The following PTPRQ variants were observed in gnomAD, a reference collection of about 807,000 sequenced individuals.
The protein encoded by PTPRQ is phosphatidylinositol phosphatase PTPRQ.
PTPRQ carries 199 observed loss-of-function variants against 246.0 expected under a neutral mutation model. The ratio of observed to expected loss-of-function variants is 0.81; its 90% CI spans 0.72 to 0.91. The LOEUF (loss-of-function observed/expected upper bound fraction) is 0.91, where lower values mean the gene tolerates loss of function less well. PTPRQ is among the 40% of genes least tolerant of loss of function. The pLI, the probability that PTPRQ is intolerant of heterozygous loss-of-function variation, is 0.00. For synonymous variants in PTPRQ, 869 were observed against 853.2 expected (o/e 1.02, Z -0.32); for missense variants, 2,624 against 2,528.4 (o/e 1.04, Z -0.81).
chr12:80,473,726 GC>G (rs1893726492), intron 8 of PTPRQ, among the ~76,000 whole-genome samples: 1 of 152,140 alleles, frequency 6.6e-6, no homozygotes, highest in Non-Finnish European at 1.5e-5. Context: ...AAATTTACTT[GC>G]CTTAATTTCT....
chr12:80,533,175 G>A lies in PTPRQ; in HGVS notation c.2679-840G>A, dbSNP rs536112492. Among the ~76,000 whole-genome samples the A allele has an allele frequency of 4.9e-4, 75 of 151,842 alleles. 1 individual carries two copies. Among genetic ancestry groups the A allele is most frequent in the Non-Finnish European group, 9.4e-4 (64 of 67,944 alleles). On this transcript the variant is annotated intron_variant, in intron 17 of 44. Coordinates refer to ENST00000644991, the MANE Select transcript of PTPRQ (RefSeq NM_001145026.2). Reference sequence around the variant, plus strand: ...TCCTAAAATATAAATAAAAAATAATGCACATTTTTCAGCATCACTATACAC... The same window carrying A: ...TCCTAAAATATAAATAAAAAATAATACACATTTTTCAGCATCACTATACAC...
chr12:80,484,334 T>C, intron 8 of PTPRQ, 99 bp from the exon 9 acceptor site: 8 of 1,349,420 alleles, frequency 5.9e-6, no homozygotes, highest in Non-Finnish European at 7.9e-6. Flanking sequence ...GAATTGTTTA[T>C]ATATCTTAAA....
intron 8 of PTPRQ, among the ~76,000 whole-genome samples, chr12:80,484,217 G>T (rs1054959031): frequency 2.0e-5 from 3 of 152,000 alleles, no homozygotes; most frequent in Non-Finnish European, 2.9e-5. Context: ...ATGTTGGTCA[G>T]GCTGGTCTCG....
At chr12:80,539,570 A>G (rs1896087349) in intron 19 of PTPRQ, among the ~76,000 whole-genome samples, 2 of 152,088 alleles carry the variant, frequency 1.3e-5, no homozygotes, top group African/African-American at 4.8e-5. Flanking sequence ...TGGCTTTGCA[A>G]TAAAAACCAC....
intron 33 of PTPRQ, among the ~76,000 whole-genome samples, chr12:80,630,786 G>A (rs183722528): frequency 3.0e-4 from 45 of 152,106 alleles, no homozygotes; most frequent in African/African-American, 1.0e-3. Flanking sequence ...GCACGATGTC[G>A]GCTCACTGCA....
At chr12:80,660,351 C>A (rs1900588001) in intron 39 of PTPRQ, among the ~76,000 whole-genome samples, 1 of 151,888 alleles carries the variant, frequency 6.6e-6, no homozygotes, top group Non-Finnish European at 1.5e-5. Context: ...GTTAACATGC[C>A]AATGTGTGTT....
chr12:80,482,792 C>G (rs61950954), intron 8 of PTPRQ, among the ~76,000 whole-genome samples: 1 of 148,574 alleles, frequency 6.7e-6, no homozygotes, highest in Non-Finnish European at 1.5e-5. Flanking sequence ...TCATCACTGG[C>G]CATCAGAGAA....
chr12:80,621,114 A>C (rs2121134624), intron 32 of PTPRQ, among the ~76,000 whole-genome samples: 1 of 152,008 alleles, frequency 6.6e-6, no homozygotes, highest in East Asian at 1.9e-4. Context: ...AAACATTATC[A>C]AATTCTTTAC....
At chr12:80,594,517 C>T (rs1897904800) in intron 26 of PTPRQ, among the ~76,000 whole-genome samples, 2 of 152,108 alleles carry the variant, frequency 1.3e-5, no homozygotes, top group African/African-American at 4.8e-5. Flanking sequence ...ACATTTCTGT[C>T]CTCTAGGCCC....
chr12:80,478,522 T>C (rs1056490945), intron 8 of PTPRQ, among the ~76,000 whole-genome samples: 5 of 152,216 alleles, frequency 3.3e-5, no homozygotes, highest in Non-Finnish European at 7.3e-5. Flanking sequence ...GGAACAAAGC[T>C]GGACGGAGAA....
At position 80,470,415 on chromosome 12, in the gene PTPRQ, A is replaced by G. The variant is rs566503680; in HGVS notation, c.1039+1577A>G. Reference sequence around the variant, plus strand: ...TTTCAGTGTAGTGGGAAGCAAGACTATTAGTTGGGAGTGAAGATAGGGCAG... The same window carrying G: ...TTTCAGTGTAGTGGGAAGCAAGACTGTTAGTTGGGAGTGAAGATAGGGCAG... On this transcript the variant is annotated intron_variant, in intron 7 of 44. Transcript: ENST00000644991. Among the ~76,000 whole-genome samples, 13 of 152,262 alleles carry G rather than the reference A, an allele frequency of 8.5e-5. 1 individual carries two copies. In the South Asian group the frequency reaches 2.7e-3, roughly 32 times the overall value.
chr12:80,674,785 A>G (rs1028240283), intron 43 of PTPRQ, among the ~76,000 whole-genome samples: 4 of 152,190 alleles, frequency 2.6e-5, no homozygotes, highest in African/African-American at 9.6e-5. Context: ...CTCTTTTGAT[A>G]GTGGTTTTAA....
Position 80,496,080 on chromosome 12 carries a change from A to G in PTPRQ, c.1964A>G (p.Asp655Gly), listed in dbSNP as rs1457571777. Residue 655 changes from aspartate to glycine, a missense_variant, in exon 13 of 45, where the codon GAC becomes GGC. Asp to Gly is a moderately conservative substitution (Grantham distance 94). Transcript: ENST00000644991. ...GAAAGTTCTTTGTCTGAAGAAAATG[A>G]CATCTTTGTGAGAACTTCAGAAGAT... ...VGESSLSEEN[D>G]IFVRTSEDEP... The G allele has an allele frequency of 9.7e-6, 15 of 1,549,164 alleles. No homozygotes were observed. The highest frequency in any genetic ancestry group is 1.3e-5 in the Non-Finnish European group (15 of 1,146,080).
chr12:80,542,831 G>T lies in PTPRQ; in HGVS notation c.3823G>T (p.Val1275Leu), dbSNP rs904775406. 29 of 1,545,748 alleles carry T rather than the reference G, an allele frequency of 1.9e-5. No homozygotes were observed. Among genetic ancestry groups the T allele is most frequent in the Non-Finnish European group, 2.4e-5 (28 of 1,144,488 alleles). ...TCCTCTTCCAGGTGGTATTGTTAAAGTATATAGTTTTAAAATTCATGAACA... is the reference window on the plus strand; with the variant it reads ...TCCTCTTCCAGGTGGTATTGTTAAATTATATAGTTTTAAAATTCATGAACA... ...PSPLPGGIVK[V>L]YSFKIHEHET... is the part of the protein sequence containing the mutation. Residue 1275 changes from valine (V) to leucine (L), a missense_variant, in exon 23 of 45, where the codon GTA (valine) becomes TTA (leucine). Transcript: ENST00000644991.
chr12:80,645,158 C>CT (rs1331149320), intron 35 of PTPRQ, among the ~76,000 whole-genome samples: 10 of 151,982 alleles, frequency 6.6e-5, no homozygotes, highest in Admixed American at 5.9e-4. Flanking sequence ...TTCCACCTCT[C>CT]TTTTTCTTAA....
chr12:80,497,698 A>G (rs565099657), intron 14 of PTPRQ, among the ~76,000 whole-genome samples: 2 of 152,230 alleles, frequency 1.3e-5, no homozygotes, highest in African/African-American at 4.8e-5. Context: ...TGTTATAATT[A>G]TATATTGGTG....
intron 28 of PTPRQ, among the ~76,000 whole-genome samples, chr12:80,612,933 C>A (rs1383460490): frequency 9.3e-5 from 14 of 150,382 alleles, no homozygotes; most frequent in Non-Finnish European, 1.8e-4. Flanking sequence ...AATGACAAAA[C>A]TATACAGAGG....
intron 26 of PTPRQ, among the ~76,000 whole-genome samples, chr12:80,604,497 C>T (rs1166691632): frequency 6.6e-6 from 1 of 151,550 alleles, no homozygotes; most frequent in African/African-American, 2.4e-5. Flanking sequence ...ATAAGGAATT[C>T]AAGAAATATT....
intron 25 of PTPRQ, among the ~76,000 whole-genome samples, chr12:80,576,103 G>A (rs1385689032): frequency 6.6e-6 from 1 of 151,842 alleles, no homozygotes; most frequent in Non-Finnish European, 1.5e-5. Context: ...AACTCCTTGT[G>A]TATATTTTAA....
Sources: allele counts gnomAD v4.1 joint callset (sites outside exome capture counted in the v4.1 genomes callset), GRCh38; gene constraint gnomAD v4.1.1; transcripts MANE v1.5; gene names NCBI Gene and HGNC (gene_info 2026-07-23, HGNC 2026-07-21).